The following PRELID2 variants were observed in gnomAD, a reference collection of about 807,000 sequenced individuals.
The protein encoded by PRELID2 is PRELI domain-containing protein 2.
A neutral mutation model predicts 28.4 loss-of-function variants in PRELID2; 25 were observed. That is an observed-to-expected ratio of 0.88 (90% CI 0.64 to 1.23). The LOEUF (loss-of-function observed/expected upper bound fraction) is 1.23, where lower values mean the gene tolerates loss of function less well. Among genes scored for constraint, PRELID2 ranks in the 50% most tolerant of loss-of-function variants. The pLI is 0.00. For missense variants in PRELID2, 201 were observed against 214.4 expected (o/e 0.94, Z 0.39); for synonymous variants, 76 against 71.6 (o/e 1.06, Z -0.31).
At chr5:145,522,155 A>G (rs1158511944) in intron 1 of PRELID2, among the ~76,000 whole-genome samples, 3 of 152,206 alleles carry the variant, frequency 2.0e-5, no homozygotes, top group Admixed American at 2.0e-4. Context: ...ATAAAACATT[A>G]CAAATTAAGA....
chr5:145,796,201 T>C, intron 5 of PRELID2: 1 of 328,844 alleles, frequency 3.0e-6, no homozygotes, highest in Non-Finnish European at 5.5e-6. Flanking sequence ...ATAAGTATGC[T>C]CCAAATTTTC....
intron 4 of PRELID2, among the ~76,000 whole-genome samples, chr5:145,801,085 C>A (rs1753107207): frequency 6.6e-6 from 1 of 152,250 alleles, no homozygotes; most frequent in Admixed American, 6.5e-5. Context: ...ATGTTATTTA[C>A]TTGCTTTGGT....
At chr5:145,789,444 A>C (rs1049728350) in intron 5 of PRELID2, among the ~76,000 whole-genome samples, 1 of 152,200 alleles carries the variant, frequency 6.6e-6, no homozygotes, top group African/African-American at 2.4e-5. Flanking sequence ...CTGAATATCC[A>C]CATAGAATAA....
the PRELID2 span, among the ~76,000 whole-genome samples, chr5:145,257,270 C>T: frequency 1.3e-5 from 2 of 150,010 alleles, no homozygotes; most frequent in Non-Finnish European, 2.9e-5. Flanking sequence ...ACATTTTTAA[C>T]ATTATTATAT....
At chr5:145,612,036 T>G (rs1016988679) in intron 1 of PRELID2, among the ~76,000 whole-genome samples, 1 of 152,198 alleles carries the variant, frequency 6.6e-6, no homozygotes, top group Non-Finnish European at 1.5e-5. Flanking sequence ...CAGAGCAGTG[T>G]GAAAACCAGG....
rs181179500 is a variant in PRELID2 at position 145,720,206 on chromosome 5, T to C, written n.70+44725A>G. ...TTTTAAAATATAATTTCAGAAAATG[T>C]TCAGGAAATTACAGAAAATCTAAAT... On this transcript the variant is annotated intron_variant and non_coding_transcript_variant, in intron 1 of 2. Coordinates refer to the PRELID2 transcript ENST00000510259. Among the ~76,000 whole-genome samples the C allele has an allele frequency of 2.0e-5, 3 of 151,718 alleles. No homozygotes were observed. The East Asian group carries it at 5.8e-4, about 29-fold the overall frequency.
the PRELID2 span, among the ~76,000 whole-genome samples, chr5:145,383,552 G>C: frequency 6.7e-6 from 1 of 148,562 alleles, no homozygotes; most frequent in Non-Finnish European, 1.5e-5. Flanking sequence ...TTTCATCAAA[G>C]AAGCCAATGC....
the PRELID2 span, among the ~76,000 whole-genome samples, chr5:145,458,863 G>C: frequency 6.6e-6 from 1 of 152,184 alleles, no homozygotes; most frequent in East Asian, 1.9e-4. Context: ...AATCTGATTT[G>C]TTTTTATTCA....
the PRELID2 span, among the ~76,000 whole-genome samples, chr5:145,330,416 G>C: frequency 6.6e-6 from 1 of 152,234 alleles, no homozygotes; most frequent in Non-Finnish European, 1.5e-5. Flanking sequence ...GCTATATTTG[G>C]TTGGTAGACT....
chr5:145,741,082 AAAAT>A lies in PRELID2; in HGVS notation n.70+23845_70+23848del, dbSNP rs1436876397. On this transcript the variant is annotated intron_variant and non_coding_transcript_variant, in intron 1 of 2. Coordinates refer to the PRELID2 transcript ENST00000510259. ...GTATATTATATATTTATGTATAAAT[AAAAT>A]AAATATACATATTTTATGCTTTACA... Among the ~76,000 whole-genome samples the A allele has an allele frequency of 4.5e-4, 53 of 118,742 alleles. No homozygotes were observed. The East Asian group carries it at 9.5e-3, about 21-fold the overall frequency. 77.9% of individuals were successfully genotyped at this position (118,742 alleles called of 152,430 possible). A position where few individuals can be genotyped will look rare whatever the true frequency, so the allele number is the denominator to read the frequency against.
At chr5:145,726,958 G>C (rs1056595823) in intron 1 of PRELID2, among the ~76,000 whole-genome samples, 1 of 152,218 alleles carries the variant, frequency 6.6e-6, no homozygotes, top group African/African-American at 2.4e-5. Context: ...GGGTGATGAA[G>C]TCCAGTGGAG....
chr5:145,522,962 G>A (rs1013128465), intron 1 of PRELID2, among the ~76,000 whole-genome samples: 6 of 152,206 alleles, frequency 3.9e-5, no homozygotes, highest in African/African-American at 1.4e-4. Context: ...GTGCCATTAT[G>A]TATAAACCCT....
intron 1 of PRELID2, among the ~76,000 whole-genome samples, chr5:145,631,152 T>C (rs1239396854): frequency 3.9e-5 from 6 of 152,126 alleles, no homozygotes; most frequent in Non-Finnish European, 8.8e-5. Flanking sequence ...CCAGCCCCCA[T>C]TTATAGAACT....
chr5:145,317,675 G>C, the PRELID2 span, among the ~76,000 whole-genome samples: 1 of 152,126 alleles, frequency 6.6e-6, no homozygotes, highest in Non-Finnish European at 1.5e-5. Flanking sequence ...TCCCCATCAT[G>C]GCTAAATCTC....
At chr5:145,792,795 C>A (rs1448538335) in intron 5 of PRELID2, among the ~76,000 whole-genome samples, 1 of 152,070 alleles carries the variant, frequency 6.6e-6, no homozygotes, top group African/African-American at 2.4e-5. Context: ...TTTCTTAATT[C>A]TTGAAAACTA....
chr5:145,429,820 C>G, the PRELID2 span: 1 of 152,184 alleles, frequency 6.6e-6, no homozygotes, highest in Non-Finnish European at 1.5e-5. Context: ...CATTCTGGGC[C>G]TAAGCCTAGA....
At chr5:145,703,302 A>G (rs1209864953) in intron 1 of PRELID2, among the ~76,000 whole-genome samples, 1 of 152,244 alleles carries the variant, frequency 6.6e-6, no homozygotes, top group Admixed American at 6.5e-5. Context: ...TCGTTGATTC[A>G]GCAGTTTAGA....
rs931130063 is a variant in PRELID2, at chr5:145,653,964, G to GT, written n.70+110966dup. Among the ~76,000 whole-genome samples the GT allele has an allele frequency of 4.6e-5, 7 of 152,022 alleles. No individual in the cohort carries two copies. The South Asian group carries it at 6.2e-4, about 14-fold the overall frequency. ...AAAAAATCACTGAATCCAGGAGCTG[G>GT]TTTTTTTAAAAGATCAATAAAATTG... On this transcript the variant is annotated intron_variant and non_coding_transcript_variant, in intron 1 of 2. Transcript: ENST00000510259.
chr5:145,578,328 G>A (rs1424168207), intron 1 of PRELID2, among the ~76,000 whole-genome samples: 1 of 152,112 alleles, frequency 6.6e-6, no homozygotes, highest in Non-Finnish European at 1.5e-5. Context: ...TAGAAAATGT[G>A]TGAAGCTTTT....
Sources: allele counts gnomAD v4.1 joint callset (sites outside exome capture counted in the v4.1 genomes callset), GRCh38; gene constraint gnomAD v4.1.1; transcripts MANE v1.5; gene names NCBI Gene and HGNC (gene_info 2026-07-23, HGNC 2026-07-21).